The following SHISA9 variants were observed in gnomAD, a reference collection of about 807,000 sequenced individuals.
The protein encoded by SHISA9 is protein shisa-9.
Under a neutral mutation model 38.0 loss-of-function variants are expected in SHISA9, and 13 were observed. The observed-to-expected ratio is 0.34, with a 90% confidence interval of 0.22 to 0.54. The LOEUF (loss-of-function observed/expected upper bound fraction) is 0.54, where lower values mean the gene tolerates loss of function less well. Among genes scored for constraint, SHISA9 ranks in the 20% least tolerant of loss-of-function variants. The pLI is 0.91. For synonymous variants in SHISA9, 275 were observed against 242.0 expected, an observed-to-expected ratio of 1.14 and a Z score of -1.27; for missense variants, 538 against 575.8, an observed-to-expected ratio of 0.93 and a Z score of 0.67.
chr16:12,954,441 G>A (rs11866981), intron 2 of SHISA9, among the ~76,000 whole-genome samples: 2,027 of 152,260 alleles, frequency 0.013, 46 homozygotes, highest in African/African-American at 0.047. Context: ...ATTACATGGG[G>A]AATCATGTGC....
chr16:13,554,474 C>A, the SHISA9 span, among the ~76,000 whole-genome samples: 1 of 143,932 alleles, frequency 6.9e-6, no homozygotes, highest in Non-Finnish European at 1.6e-5. Context: ...AGAACTCTCA[C>A]ATTTGTTTCC....
the SHISA9 span, among the ~76,000 whole-genome samples, chr16:13,508,156 T>C: frequency 6.6e-6 from 1 of 152,212 alleles, no homozygotes; most frequent in Admixed American, 6.5e-5. Flanking sequence ...ACCTACCTTT[T>C]AGAGTTACAT....
rs545040463 is a variant in SHISA9 at position 13,030,372 on chromosome 16, C to T, written c.691+113557C>T. Among the ~76,000 whole-genome samples, 6 of 152,158 alleles carry T rather than the reference C, an allele frequency of 3.9e-5. No homozygotes were observed. The South Asian group carries it at 1.2e-3, about 31-fold the overall frequency. ...ATGGTAGCCACCCAGCTTTCTCATT[C>T]CTTGGGTGAGTCCACTCTAAGGTAC... On this transcript the variant is annotated intron_variant, in intron 2 of 4. Coordinates refer to ENST00000558583, the MANE Select transcript of SHISA9 (RefSeq NM_001145204.3).
the SHISA9 span, among the ~76,000 whole-genome samples, chr16:13,440,180 G>C: frequency 6.6e-6 from 1 of 152,208 alleles, no homozygotes; most frequent in Non-Finnish European, 1.5e-5. Flanking sequence ...TGGTATGTGG[G>C]TGGGGGTGGA....
At chr16:13,023,704 T>C (rs957228987) in intron 2 of SHISA9, among the ~76,000 whole-genome samples, 10 of 152,256 alleles carry the variant, frequency 6.6e-5, no homozygotes, top group Admixed American at 1.3e-4. Context: ...TTTTTAATGA[T>C]TGCCATTCTA....
the SHISA9 span, chr16:13,458,463 G>A: frequency 2.6e-6 from 1 of 388,276 alleles, no homozygotes; most frequent in South Asian, 2.1e-5. Flanking sequence ...GGAGGGAAGG[G>A]GAAATTACTC....
At chr16:12,903,714 C>A (rs997029596) in intron 1 of SHISA9, among the ~76,000 whole-genome samples, 3 of 151,946 alleles carry the variant, frequency 2.0e-5, no homozygotes, top group Non-Finnish European at 4.4e-5. Context: ...CTTTAACTGT[C>A]CCCTTTCAGA....
chr16:13,370,591 T>C, the SHISA9 span, among the ~76,000 whole-genome samples: 23 of 152,346 alleles, frequency 1.5e-4, no homozygotes, highest in African/African-American at 5.5e-4. Context: ...ATCCTAATTG[T>C]ACGGAAATGA....
intron 1 of SHISA9, among the ~76,000 whole-genome samples, chr16:12,905,287 C>T (rs2071078126): frequency 6.6e-6 from 1 of 152,174 alleles, no homozygotes; most frequent in Non-Finnish European, 1.5e-5. Flanking sequence ...TATGCATTAC[C>T]AGTCTCCTGG....
chr16:13,493,569 C>T, the SHISA9 span, among the ~76,000 whole-genome samples: 1 of 152,136 alleles, frequency 6.6e-6, no homozygotes, highest in South Asian at 2.1e-4. Context: ...TTTTATTGAC[C>T]CAATGCCCCA....
intron 2 of SHISA9, among the ~76,000 whole-genome samples, chr16:13,085,850 A>C (rs762222505): frequency 5.3e-4 from 81 of 152,230 alleles, no homozygotes; most frequent in Non-Finnish European, 9.1e-4. Flanking sequence ...ATCTCACATG[A>C]AGGAAAGTTA....
chr16:13,306,425 A>G, the SHISA9 span, among the ~76,000 whole-genome samples: 1 of 152,204 alleles, frequency 6.6e-6, no homozygotes, highest in African/African-American at 2.4e-5. Context: ...TTCTTTGATC[A>G]CTATTTGATA....
chr16:12,936,170 G>T (rs1412236685), intron 2 of SHISA9, among the ~76,000 whole-genome samples: 1 of 152,112 alleles, frequency 6.6e-6, no homozygotes, highest in African/African-American at 2.4e-5. Context: ...GGTGAGAAAG[G>T]CCTTTAAGAC....
chr16:13,475,704 A>G, the SHISA9 span, among the ~76,000 whole-genome samples: 17 of 152,316 alleles, frequency 1.1e-4, no homozygotes, highest in African/African-American at 3.1e-4. Flanking sequence ...ACATTGCAAT[A>G]TATAATGAAA....
At chr16:12,989,740 C>G (rs1053537155) in intron 2 of SHISA9, among the ~76,000 whole-genome samples, 1 of 152,072 alleles carries the variant, frequency 6.6e-6, no homozygotes, top group African/African-American at 2.4e-5. Flanking sequence ...ACATAATATT[C>G]TATCATATGA....
In SHISA9 at chr16:13,153,033, G is replaced by A. The variant is rs1218756921; in HGVS notation, c.692-50361G>A. Among the ~76,000 whole-genome samples the A allele has an allele frequency of 3.9e-5, 6 of 152,176 alleles. No individual in the cohort carries two copies. The East Asian group carries it at 9.7e-4, about 25-fold the overall frequency. On this transcript the variant is annotated intron_variant, in intron 2 of 4. Transcript: ENST00000558583. The stretch of plus-strand genomic sequence containing the variant: ...GCTGAATATCTGAGTATGAGAGGGG[G>A]CTCTGAGCCAAAGAATATGCCAGTC...
At chr16:13,027,746 G>A (rs927590098) in intron 2 of SHISA9, among the ~76,000 whole-genome samples, 1 of 151,882 alleles carries the variant, frequency 6.6e-6, no homozygotes, top group Non-Finnish European at 1.5e-5. Context: ...GGCCGACATG[G>A]TGAAACCCTG....
At chr16:13,062,704 G>C (rs1220215477) in intron 2 of SHISA9, among the ~76,000 whole-genome samples, 2 of 152,154 alleles carry the variant, frequency 1.3e-5, no homozygotes, top group Non-Finnish European at 2.9e-5. Flanking sequence ...AATTTGGCTT[G>C]GCAGAGTAGA....
intron 2 of SHISA9, among the ~76,000 whole-genome samples, chr16:12,984,702 G>C (rs1400648455): frequency 6.6e-6 from 1 of 152,152 alleles, no homozygotes; most frequent in Non-Finnish European, 1.5e-5. Context: ...GTCCTGATGG[G>C]TGCTGCCTGT....
Sources: gnomAD v4.1 joint callset for allele counts (sites outside exome capture counted in the v4.1 genomes callset) on GRCh38, gnomAD v4.1.1 for gene constraint, MANE v1.5 for transcripts, NCBI Gene and HGNC (gene_info 2026-07-23, HGNC 2026-07-21) for gene names.